NRG3: variants seen among roughly 807,000 people sequenced by gnomAD.
The protein encoded by NRG3 is neuregulin 3.
NRG3 carries 31 observed loss-of-function variants against 66.9 expected under a neutral mutation model. The observed-to-expected ratio is 0.46, with a 90% confidence interval of 0.35 to 0.63. NRG3 has a LOEUF of 0.63. NRG3 is among the 20% of genes least tolerant of loss of function. The pLI is 0.00. For synonymous variants in NRG3, 393 were observed against 359.4 expected (o/e 1.09, Z -1.06); for missense variants, 910 against 878.9 (o/e 1.04, Z -0.45).
intron 4 of NRG3, among the ~76,000 whole-genome samples, chr10:82,914,190 T>G (rs961458092): frequency 6.6e-6 from 1 of 152,186 alleles, no homozygotes; most frequent in African/African-American, 2.4e-5. Flanking sequence ...ACCCATCTGT[T>G]ATTGCATGTT....
At chr10:82,296,157 T>C (rs1211201070) in intron 1 of NRG3, among the ~76,000 whole-genome samples, 1 of 152,030 alleles carries the variant, frequency 6.6e-6, no homozygotes, top group East Asian at 1.9e-4. Context: ...CGTGAAGCAG[T>C]CGTGTGTTTG....
At chr10:82,035,643 C>T (rs1243138823) in intron 1 of NRG3, among the ~76,000 whole-genome samples, 1 of 152,036 alleles carries the variant, frequency 6.6e-6, no homozygotes, top group Non-Finnish European at 1.5e-5. Flanking sequence ...AGATATTTCT[C>T]ATCTATTTAA....
chr10:82,031,929 AT>A (rs1564752819), intron 1 of NRG3, among the ~76,000 whole-genome samples: 1 of 151,892 alleles, frequency 6.6e-6, no homozygotes, highest in Non-Finnish European at 1.5e-5. Context: ...CACATCAATA[AT>A]TTTTTCACCT....
chr10:82,576,127 T>A (rs2046015485), intron 2 of NRG3, among the ~76,000 whole-genome samples: 1 of 151,768 alleles, frequency 6.6e-6, no homozygotes, highest in African/African-American at 2.4e-5. Flanking sequence ...GGAGAAACTA[T>A]GAATCAATTT....
At chr10:82,152,590 G>C (rs1376325207) in intron 1 of NRG3, among the ~76,000 whole-genome samples, 1 of 152,056 alleles carries the variant, frequency 6.6e-6, no homozygotes, top group Admixed American at 6.6e-5. Flanking sequence ...AGTTTTGCCA[G>C]TTGCGGAACC....
At chr10:82,826,661 G>A (rs2062224706) in intron 3 of NRG3, among the ~76,000 whole-genome samples, 1 of 152,092 alleles carries the variant, frequency 6.6e-6, no homozygotes, top group African/African-American at 2.4e-5. Flanking sequence ...TGCAGGAAGA[G>A]AAAGACAAAT....
At chr10:82,776,574 C>T (rs1235510417) in intron 3 of NRG3, among the ~76,000 whole-genome samples, 1 of 152,062 alleles carries the variant, frequency 6.6e-6, no homozygotes, top group African/African-American at 2.4e-5. Context: ...TATTTATTCA[C>T]TTAATGGTGT....
intron 3 of NRG3, among the ~76,000 whole-genome samples, chr10:82,739,702 T>C (rs1355759633): frequency 6.6e-6 from 1 of 152,200 alleles, no homozygotes; most frequent in Non-Finnish European, 1.5e-5. Context: ...TATTTTATCT[T>C]GACGAAGCAA....
chr10:82,470,386 T>C (rs1359474937), intron 2 of NRG3, among the ~76,000 whole-genome samples: 1 of 152,190 alleles, frequency 6.6e-6, no homozygotes, highest in Non-Finnish European at 1.5e-5. Context: ...TCTCCTCTCT[T>C]GAGAATGTAT....
At chr10:82,773,544 A>G (rs1489852414) in intron 3 of NRG3, among the ~76,000 whole-genome samples, 1 of 151,922 alleles carries the variant, frequency 6.6e-6, no homozygotes, top group Admixed American at 6.6e-5. Flanking sequence ...TTGCCTTTTC[A>G]TTTTGTTGAT....
chr10:82,643,726 C>T (rs1302771614), intron 2 of NRG3, among the ~76,000 whole-genome samples: 3 of 151,838 alleles, frequency 2.0e-5, no homozygotes, highest in African/African-American at 7.3e-5. Context: ...TGTGAAATGA[C>T]CCTGTTGCTT....
intron 2 of NRG3, among the ~76,000 whole-genome samples, chr10:82,672,531 G>A (rs1283738581): frequency 6.6e-6 from 1 of 152,232 alleles, no homozygotes; most frequent in Non-Finnish European, 1.5e-5. Context: ...CTTCATTTAC[G>A]ACTAATTACA....
chr10:82,762,159 T>C (rs1209168010), intron 3 of NRG3, among the ~76,000 whole-genome samples: 1 of 151,914 alleles, frequency 6.6e-6, no homozygotes, highest in African/African-American at 2.4e-5. Context: ...GCTAGGTTTT[T>C]GGATTGTTTG....
At chr10:82,371,602 C>T (rs541864947) in intron 2 of NRG3, among the ~76,000 whole-genome samples, 2 of 152,024 alleles carry the variant, frequency 1.3e-5, no homozygotes, top group South Asian at 4.2e-4. Context: ...ATGAGCTATG[C>T]TCATATCTGT....
At chr10:82,778,471 C>A (rs546173858) in intron 3 of NRG3, among the ~76,000 whole-genome samples, 65 of 152,246 alleles carry the variant, frequency 4.3e-4, no homozygotes, top group African/African-American at 1.5e-3. Flanking sequence ...TGAGTGCAAG[C>A]AGGCAAAATG....
chr10:81,876,192 T>C (rs768238758), intron 1 of NRG3, 29 bp downstream of exon 1: 114 of 1,544,066 alleles, frequency 7.4e-5, no homozygotes, highest in Non-Finnish European at 9.0e-5. Flanking sequence ...TCAACTATGA[T>C]TTACTACTGA....
chr10:82,983,012 C>T (rs1026015825), intron 8 of NRG3, among the ~76,000 whole-genome samples: 2 of 152,198 alleles, frequency 1.3e-5, no homozygotes, highest in African/African-American at 2.4e-5. Flanking sequence ...AGTCATGCCA[C>T]ATAGTTGACT....
chr10:81,900,989 G>C (rs1844016581), intron 1 of NRG3, among the ~76,000 whole-genome samples: 1 of 152,144 alleles, frequency 6.6e-6, no homozygotes, highest in Non-Finnish European at 1.5e-5. Context: ...ACGTTTTGAT[G>C]AAAAGTAATG....
intron 1 of NRG3, among the ~76,000 whole-genome samples, chr10:82,014,904 AG>A (rs2061720877): frequency 6.6e-6 from 1 of 152,270 alleles, no homozygotes; most frequent in East Asian, 1.9e-4. Flanking sequence ...CAAGGAACAG[AG>A]ATTTCCCATT....
Sources: allele counts gnomAD v4.1 joint callset (sites outside exome capture counted in the v4.1 genomes callset), GRCh38; gene constraint gnomAD v4.1.1; transcripts MANE v1.5; gene names NCBI Gene and HGNC (gene_info 2026-07-23, HGNC 2026-07-21).